The following KALRN variants were observed in gnomAD, a reference collection of about 807,000 sequenced individuals.
The protein encoded by KALRN is kalirin.
A neutral mutation model predicts 353.7 loss-of-function variants in KALRN; 70 were observed. The observed-to-expected ratio is 0.20, with a 90% CI of 0.16 to 0.24. The LOEUF (loss-of-function observed/expected upper bound fraction) is 0.24, where lower values mean the gene tolerates loss of function less well. Among genes scored for constraint, KALRN ranks in the 10% least tolerant of loss-of-function variants. KALRN has a pLI of 1.00. For synonymous variants in KALRN, 1,391 were observed against 1,434.8 expected (o/e 0.97, Z 0.69); for missense variants, 2,791 against 3,756.7 (o/e 0.74, Z 6.72).
At chr3:124,106,063 A>G (rs145965342) in intron 1 of KALRN, among the ~76,000 whole-genome samples, 1 of 152,202 alleles carries the variant, frequency 6.6e-6, no homozygotes, top group African/African-American at 2.4e-5. Context: ...CACAAGTCAA[A>G]GTAACAGTTG....
chr3:124,122,371 T>C (rs572414977), intron 1 of KALRN, among the ~76,000 whole-genome samples: 15 of 152,318 alleles, frequency 9.8e-5, no homozygotes, highest in African/African-American at 2.9e-4. Flanking sequence ...TATAATGATA[T>C]GCATGAAAGC....
At chr3:124,368,184 G>A (rs1332042360) in intron 10 of KALRN, among the ~76,000 whole-genome samples, 1 of 78,482 alleles carries the variant, frequency 1.3e-5, no homozygotes, top group Admixed American at 1.2e-4. Context: ...CTGGCCGGGC[G>A]GGGGGCTGAC....
intron 49 of KALRN, chr3:124,675,501 C>A (rs2150417743): frequency 7.1e-6 from 1 of 141,756 alleles, no homozygotes; most frequent in East Asian, 2.1e-4. Flanking sequence ...AATTCTTCTT[C>A]TTTTCCTCCT....
intron 1 of KALRN, among the ~76,000 whole-genome samples, chr3:124,137,928 A>T (rs2066131328): frequency 6.6e-6 from 1 of 152,108 alleles, no homozygotes; most frequent in Non-Finnish European, 1.5e-5. Flanking sequence ...TGACCCTAAG[A>T]ATCTTCTGTA....
At chr3:124,444,053 T>C (rs561696696) in intron 19 of KALRN, among the ~76,000 whole-genome samples, 1 of 152,350 alleles carries the variant, frequency 6.6e-6, no homozygotes, top group Non-Finnish European at 1.5e-5. Context: ...GGTTGTTATA[T>C]GGCTGCATAA....
chr3:124,188,463 C>T (rs1157471467), intron 1 of KALRN, among the ~76,000 whole-genome samples: 1 of 152,212 alleles, frequency 6.6e-6, no homozygotes, highest in Non-Finnish European at 1.5e-5. Flanking sequence ...TCATTATCCC[C>T]TCAGCATGGC....
At chr3:124,111,621 C>A (rs1328230831) in intron 1 of KALRN, among the ~76,000 whole-genome samples, 1 of 152,150 alleles carries the variant, frequency 6.6e-6, no homozygotes. Flanking sequence ...AGTCATGGTT[C>A]TTGTTCTACT....
chr3:124,289,402 T>C (rs534472601), intron 5 of KALRN, among the ~76,000 whole-genome samples: 32 of 152,220 alleles, frequency 2.1e-4, no homozygotes, highest in African/African-American at 7.0e-4. Flanking sequence ...TTTGGAGTTA[T>C]GTGGACCTAG....
intron 1 of KALRN, among the ~76,000 whole-genome samples, chr3:124,036,992 T>C (rs144438508): frequency 1.0e-3 from 156 of 152,362 alleles, no homozygotes; most frequent in African/African-American, 3.8e-3. Context: ...GATTGTCTTC[T>C]TGGGAATTCT....
intron 1 of KALRN, among the ~76,000 whole-genome samples, chr3:124,154,803 G>C (rs941068758): frequency 1.3e-5 from 2 of 152,080 alleles, no homozygotes; most frequent in African/African-American, 4.8e-5. Context: ...GCATCGCCAA[G>C]TCAATCCTAA....
intron 57 of KALRN, among the ~76,000 whole-genome samples, chr3:124,702,780 A>G (rs1011394818): frequency 4.6e-5 from 7 of 152,196 alleles, no homozygotes; most frequent in Non-Finnish European, 1.0e-4. Flanking sequence ...TGCCACACAC[A>G]TACACTCCAT....
intron 36 of KALRN, among the ~76,000 whole-genome samples, chr3:124,635,086 T>G (rs1490505773): frequency 6.6e-6 from 1 of 152,182 alleles, no homozygotes; most frequent in Non-Finnish European, 1.5e-5. Flanking sequence ...CACCTAGTCG[T>G]GGCCCCTCCT....
chr3:124,583,665 A>G (rs1038437057), intron 34 of KALRN, among the ~76,000 whole-genome samples: 15 of 152,170 alleles, frequency 9.9e-5, no homozygotes, highest in African/African-American at 3.4e-4. Flanking sequence ...GGTTCCTCAA[A>G]GACAAGTCAA....
intron 33 of KALRN, among the ~76,000 whole-genome samples, chr3:124,506,996 C>T (rs9842700): frequency 0.25 from 37,319 of 152,150 alleles, 4,758 homozygotes; most frequent in South Asian, 0.38. Context: ...AAAGCACACA[C>T]AGCACCCTCG....
intron 51 of KALRN, among the ~76,000 whole-genome samples, chr3:124,687,737 A>G (rs1474110715): frequency 6.6e-6 from 1 of 151,302 alleles, no homozygotes; most frequent in East Asian, 1.9e-4. Context: ...AGGAATCAGT[A>G]TCATACAGAC....
intron 33 of KALRN, among the ~76,000 whole-genome samples, chr3:124,532,321 G>T (rs1356977781): frequency 6.6e-6 from 1 of 152,188 alleles, no homozygotes; most frequent in Non-Finnish European, 1.5e-5. Flanking sequence ...GTAGCTTGTG[G>T]TATCACTGCC....
intron 33 of KALRN, among the ~76,000 whole-genome samples, chr3:124,537,269 C>T (rs965925575): frequency 3.9e-5 from 6 of 152,182 alleles, no homozygotes; most frequent in Admixed American, 1.3e-4. Flanking sequence ...CTTGAACTCC[C>T]GACCTAAGGT....
chr3:124,710,718 G>A (rs1559880664), intron 57 of KALRN, among the ~76,000 whole-genome samples: 1 of 152,198 alleles, frequency 6.6e-6, no homozygotes, highest in Non-Finnish European at 1.5e-5. Flanking sequence ...GAGCTTGGGA[G>A]GCAGAGATTG....
intron 48 of KALRN, among the ~76,000 whole-genome samples, chr3:124,672,190 T>C (rs1272861852): frequency 2.6e-5 from 4 of 152,180 alleles, no homozygotes; most frequent in Non-Finnish European, 5.9e-5. Context: ...TCAGGCGATA[T>C]GGCCACTTCA....
Sources: gnomAD v4.1 joint callset for allele counts (sites outside exome capture counted in the v4.1 genomes callset) on GRCh38, gnomAD v4.1.1 for gene constraint, MANE v1.5 for transcripts, NCBI Gene and HGNC (gene_info 2026-07-23, HGNC 2026-07-21) for gene names.